Variants in PRKCA observed in about 807,000 individuals in gnomAD.
PRKCA encodes protein kinase C alpha type.
A neutral mutation model predicts 87.0 loss-of-function variants in PRKCA; 27 were observed. The ratio of observed to expected loss-of-function variants is 0.31; its 90% confidence interval spans 0.23 to 0.43. The LOEUF is 0.43. PRKCA is among the 20% of genes least tolerant of loss of function. The pLI is 1.00. For missense variants in PRKCA, 518 were observed against 852.3 expected, an observed-to-expected ratio of 0.61 and a Z score of 4.88; for synonymous variants, 329 against 311.1, an observed-to-expected ratio of 1.06 and a Z score of -0.61.
chr17:66,679,055 T>C (rs2034012890), intron 5 of PRKCA, among the ~76,000 whole-genome samples: 2 of 152,150 alleles, frequency 1.3e-5, no homozygotes. Flanking sequence ...ATTCAGTCCC[T>C]GGCCTGTTGG....
chr17:66,640,090 T>C (rs1971250784), intron 3 of PRKCA, among the ~76,000 whole-genome samples: 1 of 152,178 alleles, frequency 6.6e-6, no homozygotes, highest in Non-Finnish European at 1.5e-5. Context: ...CTACCTACCC[T>C]GTGATACGGC....
At chr17:66,581,721 C>T (rs921689485) in intron 3 of PRKCA, among the ~76,000 whole-genome samples, 25 of 152,112 alleles carry the variant, frequency 1.6e-4, no homozygotes, top group Non-Finnish European at 3.1e-4. Context: ...GTGATCTGCC[C>T]GCCTCAGCCT....
intron 10 of PRKCA, among the ~76,000 whole-genome samples, chr17:66,737,421 G>C (rs1480515827): frequency 6.6e-6 from 1 of 152,170 alleles, no homozygotes. Flanking sequence ...CGTTGCCAAA[G>C]CTGGTCTTTC....
In PRKCA at chr17:66,804,260, C is replaced by A; in HGVS notation, c.*223C>A. The A allele has an allele frequency of 1.8e-6, 1 of 547,352 alleles. No homozygotes were observed. Among genetic ancestry groups the A allele is most frequent in the Non-Finnish European group, 3.0e-6 (1 of 338,060 alleles). 33.9% of individuals were successfully genotyped at this position (547,352 alleles called of 1,614,324 possible). A position where few individuals can be genotyped will look rare whatever the true frequency, so the allele number is the denominator to read the frequency against. On this transcript the variant is annotated 3_prime_UTR_variant, in exon 17 of 17. Transcript: ENST00000413366. ...GAAGATGGTACGTCATGCTCAGTGT[C>A]CAGTTTAATTCTGTAGAAGTTACGT... is the stretch of plus-strand genomic sequence containing the variant.
At chr17:66,424,628 G>A (rs943107649) in intron 2 of PRKCA, among the ~76,000 whole-genome samples, 6 of 146,018 alleles carry the variant, frequency 4.1e-5, no homozygotes, top group African/African-American at 1.6e-4. Flanking sequence ...GATAGGGATG[G>A]AAGTCTTCCA....
At chr17:66,377,647 A>T (rs1207357493) in intron 2 of PRKCA, among the ~76,000 whole-genome samples, 1 of 143,212 alleles carries the variant, frequency 7.0e-6, no homozygotes, top group Non-Finnish European at 1.5e-5. Flanking sequence ...TTATATATAT[A>T]ATGTCTATAT....
At chr17:66,765,992 C>T (rs1974804742) in intron 13 of PRKCA, among the ~76,000 whole-genome samples, 1 of 152,180 alleles carries the variant, frequency 6.6e-6, no homozygotes, top group South Asian at 2.1e-4. Context: ...ACACGTTTCT[C>T]TGGGAAAAAA....
chr17:66,522,000 T>C (rs1259945234), intron 3 of PRKCA, among the ~76,000 whole-genome samples: 1 of 152,228 alleles, frequency 6.6e-6, no homozygotes, highest in Non-Finnish European at 1.5e-5. Flanking sequence ...GAATTCTTTC[T>C]TCAGTCTGTG....
chr17:66,683,559 C>T (rs949661419), intron 5 of PRKCA, among the ~76,000 whole-genome samples: 1 of 152,106 alleles, frequency 6.6e-6, no homozygotes, highest in Admixed American at 6.5e-5. Context: ...TGTCTGCCCA[C>T]CTATCCTGGG....
At chr17:66,567,931 T>G (rs1179047135) in intron 3 of PRKCA, among the ~76,000 whole-genome samples, 1 of 152,214 alleles carries the variant, frequency 6.6e-6, no homozygotes, top group African/African-American at 2.4e-5. Context: ...GTACAATATT[T>G]CTATGTGTTT....
intron 3 of PRKCA, among the ~76,000 whole-genome samples, chr17:66,620,956 GT>G (rs1237630870): frequency 6.6e-6 from 1 of 152,198 alleles, no homozygotes; most frequent in Non-Finnish European, 1.5e-5. Flanking sequence ...TGGCAATGGG[GT>G]AAAAATAAGT....
intron 3 of PRKCA, among the ~76,000 whole-genome samples, chr17:66,585,103 C>T (rs750035965): frequency 6.6e-5 from 10 of 151,610 alleles, no homozygotes; most frequent in East Asian, 3.9e-4. Flanking sequence ...CGTGGAGAGG[C>T]GGTGTCTGAT....
chr17:66,413,139 G>A (rs1420747640), intron 2 of PRKCA, among the ~76,000 whole-genome samples: 7 of 152,108 alleles, frequency 4.6e-5, no homozygotes, highest in Non-Finnish European at 7.4e-5. Context: ...AACGTAAATC[G>A]CCAGATTGTG....
chr17:66,621,623 T>C (rs188770552), intron 3 of PRKCA, among the ~76,000 whole-genome samples: 1 of 152,284 alleles, frequency 6.6e-6, no homozygotes, highest in Admixed American at 6.5e-5. Context: ...ATTAAAAATA[T>C]CTGCTTCGTT....
intron 2 of PRKCA, among the ~76,000 whole-genome samples, chr17:66,406,864 A>G (rs2143718266): frequency 6.6e-6 from 1 of 152,098 alleles, no homozygotes; most frequent in African/African-American, 2.4e-5. Context: ...ACCTGGAGAA[A>G]AGAGCTCCTG....
At chr17:66,716,548 C>T (rs1051563976) in intron 8 of PRKCA, among the ~76,000 whole-genome samples, 4 of 151,952 alleles carry the variant, frequency 2.6e-5, no homozygotes, top group African/African-American at 7.3e-5. Flanking sequence ...TTGGGGAGAA[C>T]GCGGTACAAG....
intron 12 of PRKCA, 117 bp downstream of exon 12, chr17:66,741,838 C>A: frequency 9.7e-7 from 1 of 1,027,272 alleles, no homozygotes; most frequent in Non-Finnish European, 1.4e-6. Flanking sequence ...CCAGGAGGAA[C>A]AGAGACCTGC....
At chr17:66,357,514 T>A (rs1215355794) in intron 2 of PRKCA, among the ~76,000 whole-genome samples, 1 of 152,210 alleles carries the variant, frequency 6.6e-6, no homozygotes, top group Non-Finnish European at 1.5e-5. Context: ...TGTCTATTTC[T>A]AATTCTGTTA....
At chr17:66,740,808 A>G (rs1974143660) in intron 11 of PRKCA, among the ~76,000 whole-genome samples, 1 of 152,214 alleles carries the variant, frequency 6.6e-6, no homozygotes, top group South Asian at 2.1e-4. Context: ...GTGTTGCAGA[A>G]AAGTTTAGAA....
Sources: allele counts gnomAD v4.1 joint callset (sites outside exome capture counted in the v4.1 genomes callset), GRCh38; gene constraint gnomAD v4.1.1; transcripts MANE v1.5; gene names NCBI Gene and HGNC (gene_info 2026-07-23, HGNC 2026-07-21).